LCLAT1: variants seen among roughly 807,000 people sequenced by gnomAD.
The protein encoded by LCLAT1 is 1-AGP acyltransferase 8.
LCLAT1 carries 11 observed loss-of-function variants against 30.7 expected under a neutral mutation model. That is an observed-to-expected ratio of 0.36 (90% CI 0.23 to 0.59). The LOEUF (loss-of-function observed/expected upper bound fraction) is 0.59, where lower values mean the gene tolerates loss of function less well. Ranked by LOEUF, LCLAT1 falls within the 20% of genes least tolerant of loss-of-function variation. The pLI, the probability that LCLAT1 is intolerant of heterozygous loss-of-function variation, is 0.77. For missense variants in LCLAT1, 402 were observed against 458.6 expected (o/e 0.88, Z 1.13); for synonymous variants, 155 against 151.3 (o/e 1.02, Z -0.18).
intron 4 of LCLAT1, among the ~76,000 whole-genome samples, chr2:30,565,267 T>G (rs1665425523): frequency 6.6e-6 from 1 of 151,684 alleles, no homozygotes; most frequent in Non-Finnish European, 1.5e-5. Flanking sequence ...GTAGTCGAAG[T>G]TCAAGGCCAA....
At chr2:30,531,760 A>G (rs1280726200) in intron 2 of LCLAT1, among the ~76,000 whole-genome samples, 4 of 152,104 alleles carry the variant, frequency 2.6e-5, no homozygotes, top group Admixed American at 1.3e-4. Flanking sequence ...ATTATTTTGA[A>G]CCTATGTTTT....
At chr2:30,475,778 T>G (rs1230284827) in intron 1 of LCLAT1, among the ~76,000 whole-genome samples, 1 of 152,222 alleles carries the variant, frequency 6.6e-6, no homozygotes, top group South Asian at 2.1e-4. Context: ...AGAAATATTT[T>G]GAGAAGCAAG....
chr2:30,569,774 A>G (rs1205529530), intron 5 of LCLAT1, among the ~76,000 whole-genome samples: 1 of 152,198 alleles, frequency 6.6e-6, no homozygotes, highest in Non-Finnish European at 1.5e-5. Context: ...TAAACCAAAA[A>G]TGTTATTCAT....
intron 5 of LCLAT1, among the ~76,000 whole-genome samples, chr2:30,599,765 A>G (rs1372128710): frequency 6.6e-6 from 1 of 152,174 alleles, no homozygotes; most frequent in Non-Finnish European, 1.5e-5. Flanking sequence ...GTAGTACTAC[A>G]AGCCCTGCTT....
At chr2:30,520,417 A>G (rs1432998886) in intron 1 of LCLAT1, among the ~76,000 whole-genome samples, 2 of 152,230 alleles carry the variant, frequency 1.3e-5, no homozygotes, top group Admixed American at 6.5e-5. Context: ...TTAACTACAG[A>G]TGTAATACAT....
At chr2:30,609,285 T>C (rs561413356) in intron 5 of LCLAT1, among the ~76,000 whole-genome samples, 1 of 152,304 alleles carries the variant, frequency 6.6e-6, no homozygotes, top group East Asian at 1.9e-4. Flanking sequence ...CGACCTATGC[T>C]CTTGAAGTCT....
intron 5 of LCLAT1, among the ~76,000 whole-genome samples, chr2:30,580,562 A>T (rs1037324898): frequency 2.6e-5 from 4 of 152,164 alleles, no homozygotes; most frequent in African/African-American, 9.7e-5. Flanking sequence ...GATGAAGCGG[A>T]GAGGGCTGGG....
chr2:30,608,085 C>T (rs1394470630), intron 5 of LCLAT1, among the ~76,000 whole-genome samples: 1 of 151,858 alleles, frequency 6.6e-6, no homozygotes. Context: ...CTTTGGGAAC[C>T]CGAGGCAGGT....
At chr2:30,579,008 C>A (rs1404734342) in intron 5 of LCLAT1, among the ~76,000 whole-genome samples, 1 of 152,082 alleles carries the variant, frequency 6.6e-6, no homozygotes, top group African/African-American at 2.4e-5. Flanking sequence ...ATTATTCATT[C>A]ATTCATATTT....
intron 5 of LCLAT1, among the ~76,000 whole-genome samples, chr2:30,623,716 G>A (rs1211491305): frequency 6.6e-6 from 1 of 152,178 alleles, no homozygotes; most frequent in Non-Finnish European, 1.5e-5. Flanking sequence ...AAACTTCCCT[G>A]GCCTTGCTAG....
chr2:30,449,852 T>C (rs539178890), intron 1 of LCLAT1, among the ~76,000 whole-genome samples: 29 of 152,324 alleles, frequency 1.9e-4, no homozygotes, highest in Admixed American at 6.5e-4. Flanking sequence ...GGATTTTTGT[T>C]TTTATTACAT....
chr2:30,485,868 C>G (rs1558468879), intron 1 of LCLAT1, among the ~76,000 whole-genome samples: 1 of 152,106 alleles, frequency 6.6e-6, no homozygotes, highest in East Asian at 1.9e-4. Flanking sequence ...CTTAAACTCC[C>G]TTTTGGGCTT....
intron 3 of LCLAT1, among the ~76,000 whole-genome samples, chr2:30,553,189 T>C (rs1159039354): frequency 6.6e-6 from 1 of 152,242 alleles, no homozygotes; most frequent in Non-Finnish European, 1.5e-5. Flanking sequence ...GCTTACTTTT[T>C]ATTAAGAATG....
intron 5 of LCLAT1, among the ~76,000 whole-genome samples, chr2:30,627,458 A>C (rs1192084620): frequency 6.6e-6 from 1 of 152,146 alleles, no homozygotes; most frequent in East Asian, 1.9e-4. Flanking sequence ...TGAGCCATGC[A>C]GTTTGTTATG....
At chr2:30,632,689 C>T (rs532051437) in intron 5 of LCLAT1, among the ~76,000 whole-genome samples, 3 of 152,214 alleles carry the variant, frequency 2.0e-5, no homozygotes, top group Non-Finnish European at 4.4e-5. Flanking sequence ...CAACACTTCT[C>T]TAAGCACTGT....
At chr2:30,559,683 C>T (rs188065159) in intron 3 of LCLAT1, among the ~76,000 whole-genome samples, 2 of 152,238 alleles carry the variant, frequency 1.3e-5, no homozygotes, top group East Asian at 1.9e-4. Flanking sequence ...GAAATTTTCA[C>T]TGGAGATCAT....
At chr2:30,634,033 C>G (rs1331763229) in intron 5 of LCLAT1, among the ~76,000 whole-genome samples, 4 of 152,212 alleles carry the variant, frequency 2.6e-5, no homozygotes, top group African/African-American at 9.6e-5. Context: ...CTGGATATTA[C>G]ATTTGTAAAA....
At chr2:30,551,795 A>G (rs1466068376) in intron 3 of LCLAT1, among the ~76,000 whole-genome samples, 6 of 152,174 alleles carry the variant, frequency 3.9e-5, no homozygotes, top group African/African-American at 1.4e-4. Context: ...ATCAGTACTA[A>G]GTCATCTTGT....
chr2:30,493,641 T>G (rs1683949476), intron 1 of LCLAT1, among the ~76,000 whole-genome samples: 1 of 152,214 alleles, frequency 6.6e-6, no homozygotes, highest in Non-Finnish European at 1.5e-5. Context: ...GCTCTGTCAC[T>G]CTAGAAAACT....
Sources: allele counts gnomAD v4.1 joint callset (sites outside exome capture counted in the v4.1 genomes callset), GRCh38; gene constraint gnomAD v4.1.1; transcripts MANE v1.5; gene names NCBI Gene and HGNC (gene_info 2026-07-23, HGNC 2026-07-21).